The following BNIP5 variants were observed in gnomAD, a reference collection of about 807,000 sequenced individuals.
The protein encoded by BNIP5 is BCL2 interacting protein 5.
BNIP5 carries 61 observed loss-of-function variants against 67.3 expected under a neutral mutation model. The observed-to-expected ratio is 0.91, with a 90% CI of 0.74 to 1.12. The LOEUF (loss-of-function observed/expected upper bound fraction) is 1.12. Ranked by LOEUF, BNIP5 falls within the 50% of genes most tolerant of loss-of-function variation. The pLI is 0.00. For missense variants in BNIP5, 826 were observed against 816.3 expected (o/e 1.01, Z -0.14); for synonymous variants, 317 against 319.0 (o/e 0.99, Z 0.07).
intron 5 of BNIP5, 102 bp downstream of exon 5, chr6:36,326,408 A>T: frequency 6.2e-6 from 9 of 1,440,654 alleles, no homozygotes; most frequent in Non-Finnish European, 8.5e-6. Context: ...AAGTCAGACC[A>T]GGCACAACGC....
At chr6:36,322,915 A>T (rs1222182014) in intron 8 of BNIP5, among the ~76,000 whole-genome samples, 1 of 152,258 alleles carries the variant, frequency 6.6e-6, no homozygotes, top group African/African-American at 2.4e-5. Context: ...GGTGTAGTGA[A>T]AAAACAGGCC....
intron 1 of BNIP5, among the ~76,000 whole-genome samples, chr6:36,334,068 G>A (rs75822829): frequency 6.6e-6 from 1 of 152,186 alleles, no homozygotes; most frequent in Non-Finnish European, 1.5e-5. Flanking sequence ...CTATGGAAAC[G>A]GTTTTCGCCA....
chr6:36,318,022 T>C (rs1473565761), intron 11 of BNIP5, among the ~76,000 whole-genome samples: 1 of 152,186 alleles, frequency 6.6e-6, no homozygotes, highest in Non-Finnish European at 1.5e-5. Flanking sequence ...GAGAGGTCCA[T>C]GGTAAGGAGG....
rs1013692238 is a variant in BNIP5 at position 36,325,289 on chromosome 6, C to T, written c.1162G>A (p.Glu388Lys). The change falls in exon 6 of 12, where the codon GAA (glutamate) becomes AAA (lysine). Residue 388 changes from glutamate to lysine, a missense_variant. Physicochemically the swap from Glu to Lys is moderately conservative, Grantham distance 56. Transcript: ENST00000437635. ...AAAAGAGAGGAGTACTGACTGTATT[C>T]CGAGGCTCTGTCCAGCGGAAGCTCC... ...GEELPLDRAS[E>K]YKEFIQKIIS... The T allele has an allele frequency of 6.2e-7, 1 of 1,614,122 alleles. No homozygotes were observed. The highest frequency in any genetic ancestry group is 8.5e-7 in the Non-Finnish European group (1 of 1,180,024).
rs1310965258 is a variant in BNIP5 at position 36,330,252 on chromosome 6, T to C, written c.439A>G (p.Lys147Glu). Residue 147 changes from lysine to glutamate, a missense_variant, in exon 2 of 12, where the codon AAA (lysine) becomes GAA (glutamate). Coordinates refer to ENST00000437635, the MANE Select transcript of BNIP5 (RefSeq NM_001010903.5). ...EAAGEPALRK[K>E]AHHDKKPSRK... ...CTGGGCTTCTTGTCGTGGTGGGCTTTCTTCCTGAGGGCTGGCTCCCCTGCT... is the reference window on the plus strand; with the variant it reads ...CTGGGCTTCTTGTCGTGGTGGGCTTCCTTCCTGAGGGCTGGCTCCCCTGCT... 6.2e-7 allele frequency: 1 copy of C among 1,614,078 alleles called. No homozygotes were observed. Among genetic ancestry groups the C allele is most frequent in the Non-Finnish European group, 8.5e-7 (1 of 1,180,036 alleles).
Position 36,324,125 on chromosome 6 carries a change from TC to T in BNIP5, c.1230+3del. The T allele has an allele frequency of 2.5e-6, 4 of 1,612,980 alleles. No homozygotes were observed. Among genetic ancestry groups the T allele is most frequent in the Non-Finnish European group, 2.5e-6 (3 of 1,179,018 alleles). On this transcript the variant is annotated splice_donor_region_variant and intron_variant, in intron 7 of 11. Transcript: ENST00000437635. The stretch of plus-strand genomic sequence containing the variant: ...CAGGGTTACATGGGGAGCGTCTTCC[TC>T]ACCTCCTCTCCTTGCTGTTCTTCTG...
Position 36,316,874 on chromosome 6 carries a change from G to C in BNIP5, c.*482C>G, listed in dbSNP as rs1771525623. On this transcript the variant is annotated 3_prime_UTR_variant, in exon 12 of 12. Transcript: ENST00000437635. ...ATCCATATGAGCATGAAGAACTACT[G>C]GTCAACTGAAGAAATGATGGGATAC... 2.5e-6 allele frequency: 1 copy of C among 401,752 alleles called. No individual in the cohort carries two copies. Among genetic ancestry groups the C allele is most frequent in the African/African-American group, 2.1e-5 (1 of 48,626 alleles). 24.9% of individuals were successfully genotyped at this position (401,752 alleles called of 1,614,324 possible). A position where few individuals can be genotyped will look rare whatever the true frequency, so the allele number is the denominator to read the frequency against.
Position 36,317,017 on chromosome 6 carries a change from T to C in BNIP5, c.*339A>G. ...CATCTGAGAAAATATCAGTAGGCCTTCTGGGTGGGATCCTAGACTCCAAAG... is the reference window on the plus strand; with the variant it reads ...CATCTGAGAAAATATCAGTAGGCCTCCTGGGTGGGATCCTAGACTCCAAAG... On this transcript the variant is annotated 3_prime_UTR_variant, in exon 12 of 12. Transcript: ENST00000437635. 1 of 435,962 alleles carries C rather than the reference T, an allele frequency of 2.3e-6. No individual in the cohort carries two copies. Among genetic ancestry groups the C allele is most frequent in the Non-Finnish European group, 4.0e-6 (1 of 248,514 alleles). 27.0% of individuals were successfully genotyped at this position (435,962 alleles called of 1,614,324 possible).
In BNIP5 at chr6:36,327,064, A is replaced by G; in HGVS notation, c.758T>C (p.Leu253Ser). Residue 253 changes from leucine to serine, a missense_variant, in exon 4 of 12, where the codon TTG (leucine) becomes TCG (serine). Physicochemically the swap from Leu to Ser is moderately radical, Grantham distance 145. Transcript: ENST00000437635. ...CCACTGGTCTCCCACTCTTTTGAGC[A>G]ATTCCACTATCATCTGAATGATAGC... is the stretch of plus-strand genomic sequence containing the variant. ...QDAIIQMIVE[L>S]LKRVGDQWEE... 1 of 1,614,192 alleles carries G rather than the reference A, an allele frequency of 6.2e-7. No individual in the cohort carries two copies. Among genetic ancestry groups the G allele is most frequent in the African/African-American group, 1.3e-5 (1 of 75,058 alleles).
At chr6:36,326,070 T>C (rs1771754994) in intron 5 of BNIP5, among the ~76,000 whole-genome samples, 1 of 152,202 alleles carries the variant, frequency 6.6e-6, no homozygotes, top group African/African-American at 2.4e-5. Flanking sequence ...GATCGTGTTA[T>C]AGATATGCAG....
intron 11 of BNIP5, among the ~76,000 whole-genome samples, chr6:36,318,814 A>C (rs1013844860): frequency 3.3e-5 from 5 of 152,196 alleles, no homozygotes; most frequent in Non-Finnish European, 7.3e-5. Flanking sequence ...AAATGCACTC[A>C]GAACAGTGAA....
chr6:36,323,381 A>T lies in BNIP5; in HGVS notation c.1383T>A (p.Ala461=). ...TGGGTCGTCGGGCCTCTGGGCTGGC[A>T]GCCCCTGCTGCCCCCGCTCTTCTGG... is the stretch of plus-strand genomic sequence containing the variant. The part of the protein sequence containing the change: ...KEPRRAGAAG[A]ASPEARRPKR... The change falls in exon 8 of 12, where the codon GCT becomes GCA. Residue 461 remains alanine (A), a synonymous_variant. Transcript: ENST00000437635. 1 of 1,614,274 alleles carries T rather than the reference A, an allele frequency of 6.2e-7. No individual in the cohort carries two copies. The highest frequency in any genetic ancestry group is 8.5e-7 in the Non-Finnish European group (1 of 1,180,044).
rs964317948 is a variant in BNIP5 at position 36,323,486 on chromosome 6, T to G, written c.1278A>C (p.Pro426=). Residue 426 remains proline (P), a synonymous_variant, in exon 8 of 12, where the codon CCA becomes CCC. Coordinates refer to ENST00000437635, the MANE Select transcript of BNIP5 (RefSeq NM_001010903.5). ...QEEVGVENPA[P]HCRRKSQEKR... ...TTTCTTGAGATTTCCTTCTGCAGTG[T>G]GGGGCCGGGTTTTCTACACCCACCT... is the stretch of plus-strand genomic sequence containing the variant. 1.4e-5 allele frequency: 23 copies of G among 1,614,090 alleles called. No homozygotes were observed. Among genetic ancestry groups the G allele is most frequent in the African/African-American group, 2.7e-5 (2 of 74,938 alleles).
At chr6:36,329,909 G>T (rs1236068325) in intron 2 of BNIP5, among the ~76,000 whole-genome samples, 172 bp downstream of exon 2, 1 of 150,844 alleles carries the variant, frequency 6.6e-6, no homozygotes, top group Non-Finnish European at 1.5e-5. Flanking sequence ...AGGAAGGAAG[G>T]AAGGAAAGAA....
chr6:36,328,734 A>T lies in BNIP5; in HGVS notation c.611-20T>A. ...CCCCACCTGGAATAGAGACGAAAGC[A>T]AACGGGTATGTAGGTGTGTATGTGC... On this transcript the variant is annotated intron_variant, in intron 2 of 11. Coordinates refer to ENST00000437635, the MANE Select transcript of BNIP5 (RefSeq NM_001010903.5). The T allele has an allele frequency of 1.3e-6, 2 of 1,495,302 alleles. No homozygotes were observed. The highest frequency in any genetic ancestry group is 4.5e-5 in the East Asian group (2 of 44,366). The allele number at this position is 1,495,302 out of a possible 1,614,324, so 92.6% of individuals were successfully genotyped here.
chr6:36,321,443 T>G (rs1771634929), intron 9 of BNIP5, among the ~76,000 whole-genome samples: 1 of 152,204 alleles, frequency 6.6e-6, no homozygotes, highest in South Asian at 2.1e-4. Flanking sequence ...TAGAAGGGAC[T>G]CTGGTTTGCT....
Position 36,319,487 on chromosome 6 carries a change from T to C in BNIP5, c.1792A>G (p.Arg598Gly). ...HSSKLDRNRA[R>G]RLYQFDVSLA... Reference sequence around the variant, plus strand: ...CTAACGTCAAACTGGTAGAGTCTCCTGGCGCGGTTCCTGTCCAGCTTAGAG... The same window carrying C: ...CTAACGTCAAACTGGTAGAGTCTCCCGGCGCGGTTCCTGTCCAGCTTAGAG... Residue 598 changes from arginine (R) to glycine (G), a missense_variant, in exon 11 of 12, where the codon AGG becomes GGG. By Grantham distance (125) the Arg-to-Gly change is moderately radical. Transcript: ENST00000437635. 1 of 1,614,222 alleles carries C rather than the reference T, an allele frequency of 6.2e-7. No individual in the cohort carries two copies. Among genetic ancestry groups the C allele is most frequent in the Non-Finnish European group, 8.5e-7 (1 of 1,180,042 alleles).
intron 6 of BNIP5, 44 bp from the exon 7 acceptor site, chr6:36,324,234 T>G (rs2127365490): frequency 6.5e-7 from 1 of 1,548,984 alleles, no homozygotes; most frequent in South Asian, 1.1e-5. Context: ...TGCTACGAAA[T>G]CTCTTCTGCG....
At chr6:36,329,720 G>A (rs1044879306) in intron 2 of BNIP5, among the ~76,000 whole-genome samples, 4 of 152,108 alleles carry the variant, frequency 2.6e-5, no homozygotes, top group African/African-American at 7.2e-5. Flanking sequence ...GCTGAGGCAG[G>A]AGAATCACTT....
Sources: gnomAD v4.1 joint callset for allele counts (sites outside exome capture counted in the v4.1 genomes callset) on GRCh38, gnomAD v4.1.1 for gene constraint, MANE v1.5 for transcripts, NCBI Gene and HGNC (gene_info 2026-07-23, HGNC 2026-07-21) for gene names.